The following NDST4 variants were observed in gnomAD, a reference collection of about 807,000 sequenced individuals.
NDST4 encodes the protein N-heparan sulfate sulfotransferase 4.
NDST4 carries 63 observed loss-of-function variants against 100.8 expected under a neutral mutation model. That is an observed-to-expected ratio of 0.62 (90% CI 0.51 to 0.77). The LOEUF (loss-of-function observed/expected upper bound fraction) is 0.77. Among genes scored for constraint, NDST4 ranks in the 30% least tolerant of loss-of-function variants. NDST4 has a pLI of 0.00. For missense variants in NDST4, 943 were observed against 1,018.4 expected, an observed-to-expected ratio of 0.93 and a Z score of 1.01; for synonymous variants, 377 against 361.8, an observed-to-expected ratio of 1.04 and a Z score of -0.48.
At chr4:115,108,131 T>C (rs762598085) in intron 1 of NDST4, among the ~76,000 whole-genome samples, 8 of 152,146 alleles carry the variant, frequency 5.3e-5, no homozygotes, top group South Asian at 2.1e-4. Context: ...ATTCTAATTA[T>C]TCACTTGCAC....
At chr4:114,940,630 T>G (rs901372765) in intron 4 of NDST4, among the ~76,000 whole-genome samples, 4 of 152,148 alleles carry the variant, frequency 2.6e-5, no homozygotes, top group African/African-American at 7.2e-5. Context: ...CGTCCATGGA[T>G]GGCTTGTTTA....
chr4:115,081,698 A>T (rs551874429), intron 1 of NDST4, among the ~76,000 whole-genome samples: 1 of 152,320 alleles, frequency 6.6e-6, no homozygotes, highest in Non-Finnish European at 1.5e-5. Flanking sequence ...ATTTTTAAGT[A>T]GTCTAAGGTG....
At chr4:114,969,157 C>A (rs1271186083) in intron 4 of NDST4, among the ~76,000 whole-genome samples, 3 of 151,420 alleles carry the variant, frequency 2.0e-5, no homozygotes, top group South Asian at 2.1e-4. Context: ...ACTAAAAATA[C>A]AAAAAAATTA....
chr4:114,983,075 A>T (rs1412246027), intron 2 of NDST4, among the ~76,000 whole-genome samples: 6 of 152,140 alleles, frequency 3.9e-5, no homozygotes, highest in East Asian at 3.9e-4. Flanking sequence ...GATGTATTGA[A>T]ATTCCTGGAT....
intron 2 of NDST4, among the ~76,000 whole-genome samples, chr4:115,026,395 C>G (rs1170801185): frequency 7.0e-6 from 1 of 142,250 alleles, no homozygotes; most frequent in East Asian, 2.0e-4. Flanking sequence ...TGCATTCAAG[C>G]AAACATTTTC....
At chr4:115,037,985 G>A (rs1728269095) in intron 2 of NDST4, among the ~76,000 whole-genome samples, 2 of 152,142 alleles carry the variant, frequency 1.3e-5, no homozygotes, top group Non-Finnish European at 2.9e-5. Context: ...TATAATTGCA[G>A]CTGAAGGAAA....
intron 2 of NDST4, 151 bp from the exon 3 acceptor site, chr4:114,977,425 G>A: frequency 2.2e-6 from 1 of 460,596 alleles, no homozygotes; most frequent in Non-Finnish European, 3.8e-6. Context: ...CGTATTTCAG[G>A]TATTATAATT....
intron 4 of NDST4, among the ~76,000 whole-genome samples, chr4:114,943,739 C>T (rs540288395): frequency 3.9e-5 from 6 of 152,118 alleles, no homozygotes; most frequent in African/African-American, 1.4e-4. Flanking sequence ...TTGGCTTTGC[C>T]AAGTATTAGT....
chr4:115,001,916 G>A (rs1362139385), intron 2 of NDST4, among the ~76,000 whole-genome samples: 1 of 152,202 alleles, frequency 6.6e-6, no homozygotes, highest in Non-Finnish European at 1.5e-5. Context: ...CCCAGGCAGA[G>A]TGAGGTATGA....
At chr4:114,860,246 T>G (rs1466059585) in intron 7 of NDST4, among the ~76,000 whole-genome samples, 2 of 152,204 alleles carry the variant, frequency 1.3e-5, no homozygotes, top group African/African-American at 4.8e-5. Flanking sequence ...TCTGCCATCT[T>G]TTTATTTAGT....
At chr4:114,919,911 A>G (rs144667121) in intron 6 of NDST4, among the ~76,000 whole-genome samples, 1 of 152,292 alleles carries the variant, frequency 6.6e-6, no homozygotes, top group African/African-American at 2.4e-5. Context: ...GAATTTATTC[A>G]TTCAACAGAT....
intron 6 of NDST4, among the ~76,000 whole-genome samples, chr4:114,903,728 G>C (rs192637360): frequency 6.6e-6 from 1 of 151,934 alleles, no homozygotes; most frequent in South Asian, 2.1e-4. Flanking sequence ...ACCAGAAACT[G>C]TAAGTCTCTG....
chr4:115,086,543 C>T (rs972236964), intron 1 of NDST4, among the ~76,000 whole-genome samples: 2 of 152,102 alleles, frequency 1.3e-5, no homozygotes, highest in South Asian at 2.1e-4. Flanking sequence ...TCATTTCAAA[C>T]ATAATGATAA....
intron 6 of NDST4, among the ~76,000 whole-genome samples, chr4:114,934,721 A>G (rs2126225054): frequency 6.6e-6 from 1 of 152,188 alleles, no homozygotes; most frequent in East Asian, 1.9e-4. Flanking sequence ...TTGTATACCT[A>G]AAAATTGCTA....
chr4:115,084,782 G>A (rs183270224), intron 1 of NDST4, among the ~76,000 whole-genome samples: 14 of 152,304 alleles, frequency 9.2e-5, no homozygotes, highest in Admixed American at 7.2e-4. Flanking sequence ...GTATGGAAAT[G>A]TCTGGATGTC....
chr4:114,989,139 C>T (rs925800682), intron 2 of NDST4, among the ~76,000 whole-genome samples: 1 of 152,136 alleles, frequency 6.6e-6, no homozygotes, highest in Non-Finnish European at 1.5e-5. Flanking sequence ...ACCTGCTAGT[C>T]TACCAAGTGA....
intron 2 of NDST4, among the ~76,000 whole-genome samples, chr4:115,069,068 A>G (rs962288210): frequency 1.3e-5 from 2 of 152,134 alleles, no homozygotes; most frequent in Non-Finnish European, 2.9e-5. Context: ...GCAGGGACTC[A>G]AGTTAAAAAG....
chr4:114,928,647 A>C (rs1725431709), intron 6 of NDST4, among the ~76,000 whole-genome samples: 1 of 152,162 alleles, frequency 6.6e-6, no homozygotes, highest in African/African-American at 2.4e-5. Flanking sequence ...TTTTGGGATG[A>C]GAATAACGTT....
chr4:114,937,277 A>G, intron 5 of NDST4, 41 bp downstream of exon 5: 1 of 1,600,444 alleles, frequency 6.2e-7, no homozygotes, highest in Non-Finnish European at 8.6e-7. Flanking sequence ...TCCACATGTA[A>G]ATATTAACAT....
Sources: gnomAD v4.1 joint callset for allele counts (sites outside exome capture counted in the v4.1 genomes callset) on GRCh38, gnomAD v4.1.1 for gene constraint, MANE v1.5 for transcripts, NCBI Gene and HGNC (gene_info 2026-07-23, HGNC 2026-07-21) for gene names.